TDRKH: variants seen among roughly 807,000 people sequenced by gnomAD.
The protein encoded by TDRKH is tudor and KH domain-containing protein.
A neutral mutation model predicts 61.3 loss-of-function variants in TDRKH; 28 were observed. The ratio of observed to expected loss-of-function variants is 0.46; its 90% CI spans 0.34 to 0.63. The LOEUF is 0.63. TDRKH is among the 20% of genes least tolerant of loss of function. TDRKH has a pLI of 0.01. For synonymous variants in TDRKH, 219 were observed against 244.4 expected (o/e 0.90, Z 0.97); for missense variants, 540 against 683.4 (o/e 0.79, Z 2.34).
chr1:151,775,097 TTTC>T lies in TDRKH; in HGVS notation c.1501_1503del (p.Glu501del), dbSNP rs776974866. The T allele has an allele frequency of 2.5e-6, 4 of 1,614,186 alleles. 1 individual carries two copies. The South Asian group carries it at 4.4e-5, about 18-fold the overall frequency. On this transcript the variant is annotated inframe_deletion, in exon 11 of 13. Coordinates refer to ENST00000368824, the MANE Select transcript of TDRKH (RefSeq NM_001083965.2). ...TTCAACATGTCTGGGACAGCTCTGT[TTTC>T]TTCTATGTCTTCAGGAAGCTCAATT...
chr1:151,781,489 T>A lies in TDRKH; in HGVS notation c.223A>T (p.Ile75Phe). 1 of 1,613,562 alleles carries A rather than the reference T, an allele frequency of 6.2e-7. No homozygotes were observed. Among genetic ancestry groups the A allele is most frequent in the Non-Finnish European group, 8.5e-7 (1 of 1,179,742 alleles). Residue 75 changes from isoleucine to phenylalanine, a missense_variant, in exon 3 of 13, where the codon ATT (isoleucine) becomes TTT (phenylalanine). Coordinates refer to ENST00000368824, the MANE Select transcript of TDRKH (RefSeq NM_001083965.2). ...CCTACTCACACACTTACCTGTTTAA[T>A]ATTGGCTCCTTGCCGGCCAATGATG... is the stretch of plus-strand genomic sequence containing the variant. ...KLIIGRQGANIKQLRKQTGAR... is the reference protein window; with the variant it reads ...KLIIGRQGANFKQLRKQTGAR...
chr1:151,788,023 T>C (rs1312188642), intron 1 of TDRKH, among the ~76,000 whole-genome samples: 1 of 151,500 alleles, frequency 6.6e-6, no homozygotes, highest in Admixed American at 6.6e-5. Flanking sequence ...GCAAGATGTG[T>C]GTAGGTTATA....
At chr1:151,779,717 A>G (rs1208866269) in intron 4 of TDRKH, 4 of 470,264 alleles carry the variant, frequency 8.5e-6, no homozygotes, top group Admixed American at 3.6e-5. Flanking sequence ...AATATAATAC[A>G]TCTACTAGAA....
downstream of TDRKH, chr1:151,767,091 C>A: frequency 6.4e-7 from 1 of 1,567,512 alleles, no homozygotes; most frequent in Non-Finnish European, 8.7e-7. Context: ...AAGATCATGC[C>A]AGAGCCTGGT....
At chr1:151,771,721 A>G (rs2101567613), downstream of TDRKH, 1 of 390,094 alleles carries the variant, frequency 2.6e-6, no homozygotes, top group African/African-American at 2.1e-5. Context: ...CAGCAGGAAA[A>G]GTACTGGGTT....
intron 6 of TDRKH, among the ~76,000 whole-genome samples, chr1:151,777,640 T>C (rs2101589578): frequency 6.6e-6 from 1 of 152,196 alleles, no homozygotes; most frequent in African/African-American, 2.4e-5. Flanking sequence ...TAGACATAAG[T>C]GTATTCATGA....
Position 151,774,816 on chromosome 1 carries a change from T to C in TDRKH, c.1537-10A>G. ...CATCTGTTTCTGTGGCCTGAGTGGA[T>C]GAAAACAGGAAAAAAGGAGGAACAT... On this transcript the variant is annotated splice_polypyrimidine_tract_variant and intron_variant, in intron 11 of 12. Coordinates refer to ENST00000368824, the MANE Select transcript of TDRKH (RefSeq NM_001083965.2). 6.2e-7 allele frequency: 1 copy of C among 1,613,568 alleles called. No homozygotes were observed. The highest frequency in any genetic ancestry group is 8.5e-7 in the Non-Finnish European group (1 of 1,179,740).
chr1:151,779,034 T>A (rs767612204), intron 5 of TDRKH, 28 bp from the exon 6 acceptor site: 25 of 1,612,308 alleles, frequency 1.6e-5, no homozygotes, highest in Non-Finnish European at 2.0e-5. Context: ...AAGGATGATA[T>A]TCTGACCTGG....
At chr1:151,767,890 C>T (rs1029112528), downstream of TDRKH, 1 of 832,970 alleles carries the variant, frequency 1.2e-6, no homozygotes, top group Non-Finnish European at 1.8e-6. Flanking sequence ...CCACAATAGG[C>T]ATAGGCTATT....
chr1:151,768,739 C>A (rs1283200109), downstream of TDRKH, among the ~76,000 whole-genome samples: 5 of 151,982 alleles, frequency 3.3e-5, no homozygotes, highest in Non-Finnish European at 7.4e-5. Context: ...GGTCATAGGA[C>A]AATAGTGGAG....
intron 9 of TDRKH, 81 bp from the exon 10 acceptor site, chr1:151,775,624 TC>T: frequency 2.0e-6 from 3 of 1,537,966 alleles, no homozygotes; most frequent in Non-Finnish European, 2.6e-6. Context: ...CCTTTTCTAC[TC>T]AGGAAGGCAC....
At chr1:151,769,610 C>T (rs1303100336), downstream of TDRKH, 4 of 217,648 alleles carry the variant, frequency 1.8e-5, no homozygotes, top group South Asian at 5.7e-5. Flanking sequence ...CGGGCAGAGG[C>T]GCTCCTCACA....
At chr1:151,775,260 T>A in intron 10 of TDRKH, 94 bp from the exon 11 acceptor site, 1 of 1,555,616 alleles carries the variant, frequency 6.4e-7, no homozygotes, top group Non-Finnish European at 8.8e-7. Context: ...TTAAAGACAT[T>A]CCTTTGGTGA....
At chr1:151,781,328 A>AAAAAATATATATATATAT (rs1491536697) in intron 3 of TDRKH, among the ~76,000 whole-genome samples, 153 bp downstream of exon 3, 6 of 68,600 alleles carry the variant, frequency 8.7e-5, no homozygotes, top group Non-Finnish European at 1.4e-4. Context: ...AAAAAAAAAA[A>AAAAAATATATATATATAT]ATATATATAT....
chr1:151,769,016 G>A (rs373273958), downstream of TDRKH, among the ~76,000 whole-genome samples: 3 of 152,264 alleles, frequency 2.0e-5, no homozygotes, highest in East Asian at 5.8e-4. Context: ...CAAGGCAGAA[G>A]AATTTTTCTT....
At chr1:151,776,305 A>G in intron 7 of TDRKH, 37 bp from the exon 8 acceptor site, 1 of 1,606,952 alleles carries the variant, frequency 6.2e-7, no homozygotes, top group South Asian at 1.1e-5. Flanking sequence ...AGAGAGTTAC[A>G]AAGTGGTAGG....
chr1:151,767,412 G>C, downstream of TDRKH: 1 of 1,504,704 alleles, frequency 6.6e-7, no homozygotes, highest in East Asian at 2.3e-5. Context: ...TGGAATCTTG[G>C]AACGCATGTG....
At chr1:151,774,649 A>T in intron 12 of TDRKH, 61 bp downstream of exon 12, 1 of 1,601,578 alleles carries the variant, frequency 6.2e-7, no homozygotes, top group Non-Finnish European at 8.6e-7. Flanking sequence ...CCTACTCTGG[A>T]AAGACTGAAT....
rs746922041 is a variant in TDRKH, at chr1:151,778,939, G to C, written c.629C>G (p.Thr210Ser). The C allele has an allele frequency of 3.1e-6, 5 of 1,614,072 alleles. No individual in the cohort carries two copies. The East Asian group carries it at 1.1e-4, about 36-fold the overall frequency. Reference sequence around the variant, plus strand: ...GATTGGCTGTTTGCGTGGGACCCTGGTTTCTGCAGAATGAGCAATTCTCTT... The same window carrying C: ...GATTGGCTGTTTGCGTGGGACCCTGCTTTCTGCAGAATGAGCAATTCTCTT... Reference protein sequence around the residue: ...LRKRIAHSAETRVPRKQPISV... With the variant: ...LRKRIAHSAESRVPRKQPISV... Residue 210 changes from threonine to serine, a missense_variant, in exon 6 of 13, where the codon ACC (threonine) becomes AGC (serine). Physicochemically the swap from Thr to Ser is moderately conservative, Grantham distance 58. Around this residue, in one of 3 missense-constraint regions of TDRKH, gnomAD observed 379 missense variants for 443.8 expected, o/e 0.85. Coordinates refer to ENST00000368824, the MANE Select transcript of TDRKH (RefSeq NM_001083965.2).
Sources: allele counts gnomAD v4.1 joint callset (sites outside exome capture counted in the v4.1 genomes callset), GRCh38; gene constraint gnomAD v4.1.1; regional missense constraint gnomAD v4.1.1; transcripts MANE v1.5; gene names NCBI Gene and HGNC (gene_info 2026-07-23, HGNC 2026-07-21).